The following HELZ variants were observed in gnomAD, a reference collection of about 807,000 sequenced individuals.
The protein encoded by HELZ is ATP-dependent RNA helicase with zinc finger domain.
HELZ carries 23 observed loss-of-function variants against 218.2 expected under a neutral mutation model. The observed-to-expected ratio is 0.11, with a 90% CI of 0.08 to 0.15. HELZ has a LOEUF of 0.15. Ranked by LOEUF, HELZ falls within the 10% of genes least tolerant of loss-of-function variation. The probability of loss-of-function intolerance (pLI) is 1.00; values close to 1 mark genes in which losing one functional copy is unlikely to be tolerated. For missense variants in HELZ, 1,813 were observed against 2,353.7 expected (o/e 0.77, Z 4.75); for synonymous variants, 814 against 829.4 (o/e 0.98, Z 0.32).
At chr17:67,110,052 C>T (rs7221809) in intron 28 of HELZ, among the ~76,000 whole-genome samples, 6,904 of 151,914 alleles carry the variant, frequency 0.045, 328 homozygotes, top group African/African-American at 0.12. Flanking sequence ...CTTCTGATTT[C>T]AGGGTGGGTT....
intron 13 of HELZ, among the ~76,000 whole-genome samples, 176 bp from the exon 14 acceptor site, chr17:67,167,972 C>CA (rs199608866): frequency 2.1e-5 from 3 of 143,018 alleles, no homozygotes; most frequent in East Asian, 2.0e-4. Context: ...CTGGAAACAA[C>CA]AAAAAAAAAT....
chr17:67,184,979 T>A (rs536030732), intron 12 of HELZ, among the ~76,000 whole-genome samples: 1 of 152,194 alleles, frequency 6.6e-6, no homozygotes, highest in Non-Finnish European at 1.5e-5. Flanking sequence ...CCAGACCTAA[T>A]TGAATTCCCA....
chr17:67,178,923 A>G lies in HELZ; in HGVS notation c.1166T>C (p.Leu389Pro), dbSNP rs778777258. The G allele has an allele frequency of 2.5e-6, 4 of 1,588,746 alleles. No homozygotes were observed. The highest frequency in any genetic ancestry group is 3.4e-6 in the Non-Finnish European group (4 of 1,166,572). Residue 389 changes from leucine to proline, a missense_variant, in exon 13 of 33, where the codon CTC becomes CCC. Coordinates refer to ENST00000358691, the MANE Select transcript of HELZ (RefSeq NM_014877.4). ...CTGTTTTGCATGCATCAGGTATTCG[A>G]GATCTAAATGGAAACAAAAAACACA... is the stretch of plus-strand genomic sequence containing the variant. ...VMIDAASTED[L>P]EYLMHAKQQL...
chr17:67,177,869 G>C (rs2039504921), intron 13 of HELZ, among the ~76,000 whole-genome samples: 1 of 152,146 alleles, frequency 6.6e-6, no homozygotes, highest in East Asian at 1.9e-4. Flanking sequence ...TGAGTGTTCA[G>C]TATTTATTAA....
In HELZ at chr17:67,071,310, A is replaced by G. The variant is rs943760814; in HGVS notation, c.*6942T>C. 1 of 152,586 alleles carries G rather than the reference A, an allele frequency of 6.6e-6. No homozygotes were observed. Among genetic ancestry groups the G allele is most frequent in the African/African-American group, 2.4e-5 (1 of 41,444 alleles). The allele number at this position is 152,586 out of a possible 1,614,324, so 9.5% of individuals were successfully genotyped here. A position where few individuals can be genotyped will look rare whatever the true frequency, so the allele number is the denominator to read the frequency against. On this transcript the variant is annotated 3_prime_UTR_variant, in exon 33 of 33. Coordinates refer to ENST00000358691, the MANE Select transcript of HELZ (RefSeq NM_014877.4). ...CTTTGGGACTTCAACCAGGACAAAG[A>G]GCCCTCTGACCTACTGAAAGATATA...
At chr17:67,124,889 CT>C (rs2037732620) in intron 24 of HELZ, among the ~76,000 whole-genome samples, 1 of 152,032 alleles carries the variant, frequency 6.6e-6, no homozygotes, top group African/African-American at 2.4e-5. Context: ...AAAATTCTCT[CT>C]TCCCATGGGC....
At chr17:67,198,868 C>T (rs2143068396) in intron 7 of HELZ, among the ~76,000 whole-genome samples, 1 of 152,242 alleles carries the variant, frequency 6.6e-6, no homozygotes, top group Middle Eastern at 3.4e-3. Flanking sequence ...AAGACTACTA[C>T]TCTAGTTAGA....
intron 31 of HELZ, 116 bp from the exon 32 acceptor site, chr17:67,087,197 G>T: frequency 1.0e-6 from 1 of 962,890 alleles, no homozygotes; most frequent in Non-Finnish European, 1.5e-6. Flanking sequence ...AGAATATACT[G>T]TGACTGTGAA....
chr17:67,213,114 T>C (rs1349229530), intron 5 of HELZ, among the ~76,000 whole-genome samples: 1 of 152,210 alleles, frequency 6.6e-6, no homozygotes, highest in Non-Finnish European at 1.5e-5. Flanking sequence ...GTCACTGAAC[T>C]TTCTAAGACT....
At chr17:67,146,038 A>C (rs1055895208) in intron 20 of HELZ, 148 bp from the exon 21 acceptor site, 1 of 697,872 alleles carries the variant, frequency 1.4e-6, no homozygotes. Context: ...TGTGATACCA[A>C]GAATTTCTCC....
chr17:67,124,058 G>T, intron 24 of HELZ, 44 bp from the exon 25 acceptor site: 1 of 1,276,476 alleles, frequency 7.8e-7, no homozygotes, highest in Non-Finnish European at 1.1e-6. Flanking sequence ...AGCATGTTTA[G>T]TATTAGAAAA....
At chr17:67,134,171 G>A in intron 23 of HELZ, among the ~76,000 whole-genome samples, 1 of 152,130 alleles carries the variant, frequency 6.6e-6, no homozygotes, top group African/African-American at 2.4e-5. Context: ...ATTACCTGAG[G>A]TCCGGAGTTT....
intron 31 of HELZ, among the ~76,000 whole-genome samples, chr17:67,104,673 T>TA (rs1053788511): frequency 3.8e-4 from 58 of 151,856 alleles, no homozygotes; most frequent in East Asian, 2.5e-3. Flanking sequence ...CAGAATACAT[T>TA]AAAAAAAACC....
At chr17:67,171,671 C>A (rs1230662263) in intron 13 of HELZ, among the ~76,000 whole-genome samples, 1 of 152,166 alleles carries the variant, frequency 6.6e-6, no homozygotes, top group African/African-American at 2.4e-5. Context: ...CTTTCTATAG[C>A]TCTGAGGACA....
In HELZ at chr17:67,167,779, T is replaced by C; in HGVS notation, c.1448A>G (p.Gln483Arg). ...CATGAAGCTTGCCAGAATCTGCAAT[T>C]GCACTTTAAGGTTGAACCTAAACCA... ...KEISKFNLKVQLQILASFMLT... is the reference protein window; with the variant it reads ...KEISKFNLKVRLQILASFMLT... Residue 483 changes from glutamine (Q) to arginine (R), a missense_variant, in exon 14 of 33, where the codon CAA (glutamine) becomes CGA (arginine). Gln to Arg is a conservative substitution (Grantham distance 43). Coordinates refer to ENST00000358691, the MANE Select transcript of HELZ (RefSeq NM_014877.4). 6.2e-7 allele frequency: 1 copy of C among 1,610,014 alleles called. No individual in the cohort carries two copies. The highest frequency in any genetic ancestry group is 1.3e-5 in the African/African-American group (1 of 74,910).
chr17:67,189,789 G>A (rs2039847886), intron 10 of HELZ, 93 bp from the exon 11 acceptor site: 1 of 833,262 alleles, frequency 1.2e-6, no homozygotes, highest in East Asian at 2.5e-5. Context: ...CAGTTAAGAT[G>A]ATGATGGAAC....
intron 8 of HELZ, among the ~76,000 whole-genome samples, chr17:67,194,342 G>A (rs2039971408): frequency 6.6e-6 from 1 of 152,110 alleles, no homozygotes; most frequent in South Asian, 2.1e-4. Flanking sequence ...CAAGGCGGGT[G>A]GCTGGCATAC....
chr17:67,205,183 G>A (rs2040264251), intron 5 of HELZ, among the ~76,000 whole-genome samples: 1 of 151,712 alleles, frequency 6.6e-6, no homozygotes, highest in Non-Finnish European at 1.5e-5. Context: ...AAAAATTAGC[G>A]GGCATGGTGG....
In HELZ at chr17:67,109,328, C is replaced by T. The variant is rs755223710; in HGVS notation, c.4277G>A (p.Gly1426Glu). The T allele has an allele frequency of 3.1e-6, 5 of 1,613,978 alleles. No homozygotes were observed. Among genetic ancestry groups the T allele is most frequent in the Admixed American group, 1.7e-5 (1 of 60,000 alleles). Reference protein sequence around the residue: ...PPQLSPAYQAGPNNAFFNSAV... With the variant: ...PPQLSPAYQAEPNNAFFNSAV... ...ACTATTAAAAAAAGCATTGTTGGGT[C>T]CCGCCTGATATGCAGGAGAAAGCTG... The change falls in exon 29 of 33, where the codon GGA (glycine) becomes GAA (glutamate). Residue 1426 changes from glycine to glutamate, a missense_variant. Gly to Glu is a moderately conservative substitution (Grantham distance 98, BLOSUM62 -2). This residue lies in a region of HELZ where 938 missense variants were observed against 1,027.5 expected (regional missense o/e 0.91). Coordinates refer to ENST00000358691, the MANE Select transcript of HELZ (RefSeq NM_014877.4).
Sources: gnomAD v4.1 joint callset for allele counts (sites outside exome capture counted in the v4.1 genomes callset) on GRCh38, gnomAD v4.1.1 for gene constraint, gnomAD v4.1.1 regional missense constraint, MANE v1.5 for transcripts, NCBI Gene and HGNC (gene_info 2026-07-23, HGNC 2026-07-21) for gene names.